The following CCSER1 variants were observed in gnomAD, a reference collection of about 807,000 sequenced individuals.
CCSER1 encodes the protein serine-rich coiled-coil domain-containing protein 1.
Under a neutral mutation model 82.0 loss-of-function variants are expected in CCSER1, and 41 were observed. The ratio of observed to expected loss-of-function variants is 0.50; its 90% CI spans 0.39 to 0.65. The LOEUF (loss-of-function observed/expected upper bound fraction) is 0.65. Among genes scored for constraint, CCSER1 ranks in the 30% least tolerant of loss-of-function variants. CCSER1 has a pLI of 0.00. For missense variants in CCSER1, 1,119 were observed against 1,064.2 expected, an observed-to-expected ratio of 1.05 and a Z score of -0.72; for synonymous variants, 414 against 383.9, an observed-to-expected ratio of 1.08 and a Z score of -0.92.
At chr4:90,412,523 C>T (rs1023287354) in intron 4 of CCSER1, among the ~76,000 whole-genome samples, 3 of 101,094 alleles carry the variant, frequency 3.0e-5, no homozygotes, top group South Asian at 2.7e-4. Flanking sequence ...TAAATATAAA[C>T]ATCAAAAAAA....
chr4:90,349,182 AG>A (rs1742968494), intron 3 of CCSER1, among the ~76,000 whole-genome samples: 1 of 152,122 alleles, frequency 6.6e-6, no homozygotes, highest in African/African-American at 2.4e-5. Flanking sequence ...TTGACTTTCT[AG>A]TTTTAGGTTA....
chr4:91,082,629 C>T (rs970786668), intron 9 of CCSER1, among the ~76,000 whole-genome samples: 1 of 152,134 alleles, frequency 6.6e-6, no homozygotes, highest in Non-Finnish European at 1.5e-5. Flanking sequence ...AGGCAACCTA[C>T]AGAATGGGAG....
At chr4:91,395,609 C>A (rs1578354131) in intron 10 of CCSER1, among the ~76,000 whole-genome samples, 1 of 151,960 alleles carries the variant, frequency 6.6e-6, no homozygotes, top group African/African-American at 2.4e-5. Flanking sequence ...TGTCCTAAAT[C>A]ACTGAGATTA....
intron 8 of CCSER1, among the ~76,000 whole-genome samples, chr4:90,816,894 G>A (rs1759092259): frequency 6.6e-6 from 1 of 152,066 alleles, no homozygotes; most frequent in South Asian, 2.1e-4. Flanking sequence ...TGTTTTCCCT[G>A]AAACTTGATC....
At chr4:90,299,725 G>A (rs1319441382) in intron 1 of CCSER1, among the ~76,000 whole-genome samples, 2 of 152,114 alleles carry the variant, frequency 1.3e-5, no homozygotes, top group African/African-American at 4.8e-5. Flanking sequence ...AACTGAAAAA[G>A]TGTTGAGATG....
chr4:91,352,176 C>G (rs1748513880), intron 10 of CCSER1, among the ~76,000 whole-genome samples: 1 of 152,186 alleles, frequency 6.6e-6, no homozygotes, highest in African/African-American at 2.4e-5. Flanking sequence ...AGATTATTCT[C>G]TAAAGATTGT....
rs1465590493 is a variant in CCSER1, at chr4:91,494,166, C to T, written c.2218-104406C>T. ...TCTTCCGGCCTTTTGATCTTGGACTCCCTAGCCTCCAGACTGTAAGAAATA... is the reference window on the plus strand; with the variant it reads ...TCTTCCGGCCTTTTGATCTTGGACTTCCTAGCCTCCAGACTGTAAGAAATA... On this transcript the variant is annotated intron_variant, in intron 10 of 10. Transcript: ENST00000509176. 2.0e-5 allele frequency among the ~76,000 whole-genome samples: 3 copies of T among 151,792 alleles called. No homozygotes were observed. The East Asian group carries it at 5.8e-4, about 29-fold the overall frequency.
chr4:90,547,231 TAAAATA>T (rs1310349322), intron 5 of CCSER1, among the ~76,000 whole-genome samples: 4 of 150,516 alleles, frequency 2.7e-5, no homozygotes, highest in African/African-American at 9.8e-5. Context: ...TTAAATAAAA[TAAAATA>T]AAAAAAAGAA....
intron 10 of CCSER1, among the ~76,000 whole-genome samples, chr4:91,203,649 TAA>T (rs5860223): frequency 6.6e-6 from 1 of 151,246 alleles, no homozygotes; most frequent in East Asian, 1.9e-4. Flanking sequence ...TATACTATGT[TAA>T]AAAAAAACAG....
At chr4:90,902,809 G>C (rs964633307) in intron 8 of CCSER1, among the ~76,000 whole-genome samples, 4 of 152,020 alleles carry the variant, frequency 2.6e-5, no homozygotes, top group Admixed American at 2.0e-4. Context: ...GTAGGTTGAT[G>C]ATGAGTGGAA....
intron 10 of CCSER1, among the ~76,000 whole-genome samples, chr4:91,322,102 A>G (rs1237407444): frequency 6.6e-6 from 1 of 152,142 alleles, no homozygotes; most frequent in Non-Finnish European, 1.5e-5. Context: ...AGAAACATTT[A>G]TAGGAAAAAC....
chr4:90,815,335 G>A (rs949175182), intron 7 of CCSER1, among the ~76,000 whole-genome samples: 7 of 152,256 alleles, frequency 4.6e-5, no homozygotes, highest in South Asian at 2.1e-4. Flanking sequence ...AGATTTGGGT[G>A]GGGACACTGA....
intron 3 of CCSER1, among the ~76,000 whole-genome samples, chr4:90,387,397 C>T (rs1191530413): frequency 1.3e-5 from 2 of 152,014 alleles, no homozygotes; most frequent in Non-Finnish European, 2.9e-5. Context: ...GTATGTGTAA[C>T]AAAGAATTTG....
intron 1 of CCSER1, among the ~76,000 whole-genome samples, chr4:90,260,752 G>A (rs1397728926): frequency 6.6e-6 from 1 of 152,168 alleles, no homozygotes; most frequent in Non-Finnish European, 1.5e-5. Context: ...TTTCACTCTT[G>A]TTGCCCAGGC....
intron 10 of CCSER1, among the ~76,000 whole-genome samples, chr4:91,445,056 G>GT (rs1174432118): frequency 6.6e-6 from 1 of 152,176 alleles, no homozygotes; most frequent in Non-Finnish European, 1.5e-5. Flanking sequence ...TCCTGAAAAT[G>GT]TGAGTATAAA....
intron 1 of CCSER1, among the ~76,000 whole-genome samples, chr4:90,245,229 A>C (rs921319351): frequency 2.6e-5 from 4 of 152,228 alleles, no homozygotes; most frequent in African/African-American, 9.6e-5. Context: ...TGAAAGGCCT[A>C]CTTGTTCACA....
chr4:90,870,539 C>T (rs1766339377), intron 8 of CCSER1, among the ~76,000 whole-genome samples: 1 of 151,754 alleles, frequency 6.6e-6, no homozygotes, highest in Non-Finnish European at 1.5e-5. Context: ...GATAAACCCA[C>T]TTGCTCATGA....
rs985759791 is a variant in CCSER1, at chr4:91,443,021, G to A, written c.2218-155551G>A. On this transcript the variant is annotated intron_variant, in intron 10 of 10. Transcript: ENST00000509176. ...GAAACAGGAACACTTTTACACTGTT[G>A]GTGGGACTGTAAACTATTTCAACCA... is the stretch of plus-strand genomic sequence containing the variant. Among the ~76,000 whole-genome samples, 4 of 152,152 alleles carry A rather than the reference G, an allele frequency of 2.6e-5. No homozygotes were observed. In the South Asian group the frequency reaches 8.3e-4, roughly 32 times the overall value.
chr4:91,213,274 A>G (rs771615121), intron 10 of CCSER1, among the ~76,000 whole-genome samples: 1 of 152,044 alleles, frequency 6.6e-6, no homozygotes, highest in Non-Finnish European at 1.5e-5. Flanking sequence ...ATTTGTGAAT[A>G]TCTAACTTTG....
Sources: allele counts gnomAD v4.1 joint callset (sites outside exome capture counted in the v4.1 genomes callset), GRCh38; gene constraint gnomAD v4.1.1; transcripts MANE v1.5; gene names NCBI Gene and HGNC (gene_info 2026-07-23, HGNC 2026-07-21).